ANKRD11: variants seen among roughly 807,000 people sequenced by gnomAD.
The protein encoded by ANKRD11 is ankyrin repeat domain-containing protein 11.
Under a neutral mutation model 195.7 loss-of-function variants are expected in ANKRD11, and 17 were observed. The observed-to-expected ratio is 0.09, with a 90% CI of 0.06 to 0.13. The LOEUF (loss-of-function observed/expected upper bound fraction) is 0.13. Among genes scored for constraint, ANKRD11 ranks in the 10% least tolerant of loss-of-function variants. The pLI is 1.00. For missense variants in ANKRD11, 3,735 were observed against 3,566.1 expected (o/e 1.05, Z -1.21); for synonymous variants, 1,953 against 1,528.1 (o/e 1.28, Z -6.49).
intron 1 of ANKRD11, among the ~76,000 whole-genome samples, chr16:89,487,731 G>A (rs909615349): frequency 4.6e-5 from 7 of 152,052 alleles, no homozygotes; most frequent in African/African-American, 7.2e-5. Context: ...CCAAGATTGC[G>A]CCACTGCACT....
At chr16:89,405,629 C>T (rs1222478147) in intron 2 of ANKRD11, among the ~76,000 whole-genome samples, 3 of 152,002 alleles carry the variant, frequency 2.0e-5, no homozygotes, top group South Asian at 2.1e-4. Flanking sequence ...CCGCCATGCC[C>T]GGCTTTCTAG....
chr16:89,313,770 A>G (rs1419898954), intron 3 of ANKRD11, among the ~76,000 whole-genome samples: 1 of 152,184 alleles, frequency 6.6e-6, no homozygotes, highest in Non-Finnish European at 1.5e-5. Context: ...TTCTAACAGC[A>G]GCTGCAACCA....
chr16:89,277,193 G>T (rs575987920), intron 9 of ANKRD11, among the ~76,000 whole-genome samples: 2 of 152,230 alleles, frequency 1.3e-5, no homozygotes, highest in Non-Finnish European at 2.9e-5. Context: ...GGGCCCGTCG[G>T]TGGCAGGGAT....
At chr16:89,318,472 C>A (rs551736343) in intron 2 of ANKRD11, among the ~76,000 whole-genome samples, 9 of 152,364 alleles carry the variant, frequency 5.9e-5, no homozygotes, top group African/African-American at 1.7e-4. Flanking sequence ...CGCGACCATG[C>A]CGGGAGAAGC....
At chr16:89,359,515 T>C (rs1304091738) in intron 2 of ANKRD11, among the ~76,000 whole-genome samples, 2 of 152,222 alleles carry the variant, frequency 1.3e-5, no homozygotes, top group Admixed American at 6.5e-5. Context: ...GTGACCTCAC[T>C]GTGCCTACCT....
intron 1 of ANKRD11, among the ~76,000 whole-genome samples, chr16:89,419,752 C>T (rs906620850): frequency 3.0e-4 from 45 of 152,192 alleles, no homozygotes; most frequent in African/African-American, 9.7e-4. Context: ...ACACTCCTGG[C>T]ACATGCGTTT....
chr16:89,294,820 C>T (rs1276614307), intron 4 of ANKRD11, among the ~76,000 whole-genome samples: 1 of 152,202 alleles, frequency 6.6e-6, no homozygotes. Context: ...GAGCCGTGTG[C>T]CCCTGAGAAA....
intron 2 of ANKRD11, among the ~76,000 whole-genome samples, chr16:89,416,500 T>C (rs543124064): frequency 2.6e-5 from 4 of 152,308 alleles, no homozygotes; most frequent in Admixed American, 1.3e-4. Flanking sequence ...GGTTTCACCA[T>C]GTTGGCAGGC....
chr16:89,381,354 A>AAAAAAAAAAAAAAAAAAAAAG (rs1555560066), intron 2 of ANKRD11, among the ~76,000 whole-genome samples: 1 of 125,332 alleles, frequency 8.0e-6, no homozygotes, highest in African/African-American at 3.3e-5. Flanking sequence ...AAAAAAAAAA[A>AAAAAAAAAAAAAAAAAAAAAG]GGGGTGAGAA....
chr16:89,273,322 C>T (rs551585170), intron 11 of ANKRD11, among the ~76,000 whole-genome samples: 11 of 152,324 alleles, frequency 7.2e-5, no homozygotes, highest in African/African-American at 2.6e-4. Flanking sequence ...CTGTCCATCA[C>T]AGCCTCTCAC....
At chr16:89,415,341 T>G (rs1262847700) in intron 2 of ANKRD11, among the ~76,000 whole-genome samples, 13 of 145,494 alleles carry the variant, frequency 8.9e-5, no homozygotes. Flanking sequence ...CTCGGTTTAC[T>G]GCAAGCTCCG....
chr16:89,268,806 T>C, intron 12 of ANKRD11, 143 bp from the exon 13 acceptor site: 1 of 927,016 alleles, frequency 1.1e-6, no homozygotes, highest in East Asian at 2.7e-5. Context: ...CTGTACCCGC[T>C]CCTGGCATCT....
Position 89,291,310 on chromosome 16 carries a change from G to T in ANKRD11, c.227-127C>A, listed in dbSNP as rs2151798974. 1.6e-6 allele frequency: 2 copies of T among 1,212,352 alleles called. No homozygotes were observed. Among genetic ancestry groups the T allele is most frequent in the Non-Finnish European group, 2.3e-6 (2 of 852,944 alleles). The allele number at this position is 1,212,352 out of a possible 1,614,324, so 75.1% of individuals were successfully genotyped here. On this transcript the variant is annotated intron_variant, in intron 4 of 12. Coordinates refer to ENST00000301030, the MANE Select transcript of ANKRD11 (RefSeq NM_013275.6). The surrounding 1 kb of genome is among the most constrained non-coding windows in gnomAD (Gnocchi z 5.3). ...GACAGCTGACAGAGCAGAAAGGAAGGTCTGTGTATGGGGAAAGCACAGCGG... is the reference window on the plus strand; with the variant it reads ...GACAGCTGACAGAGCAGAAAGGAAGTTCTGTGTATGGGGAAAGCACAGCGG...
rs573602709 is a variant in ANKRD11 at position 89,300,445 on chromosome 16, ACCTGCCCCGCCTGCGAGCACAG to A, written c.226+4739_226+4760del. 1.6e-4 allele frequency: 30 copies of A among 192,762 alleles called. No individual in the cohort carries two copies. The South Asian group carries it at 2.6e-3, about 17-fold the overall frequency. The allele number at this position is 192,762 out of a possible 1,614,324, so 11.9% of individuals were successfully genotyped here. On this transcript the variant is annotated intron_variant, in intron 4 of 12. Coordinates refer to ENST00000301030, the MANE Select transcript of ANKRD11 (RefSeq NM_013275.6). ...CCCAGGGGCGCCATGCTCTCCAGGC[ACCTGCCCCGCCTGCGAGCACAG>A]CCTGGCCCCTGCTGCACTCTGCTCT...
chr16:89,285,137 A>G lies in ANKRD11; in HGVS notation c.1405T>C (p.Phe469Leu), dbSNP rs1482262295. 1.2e-6 allele frequency: 2 copies of G among 1,613,468 alleles called. No individual in the cohort carries two copies. The highest frequency in any genetic ancestry group is 1.7e-5 in the Admixed American group (1 of 59,988). Residue 469 changes from phenylalanine to leucine, a missense_variant, in exon 9 of 13, where the codon TTC becomes CTC. By Grantham distance (22) the Phe-to-Leu change is conservative (BLOSUM62 0). Coordinates refer to ENST00000301030, the MANE Select transcript of ANKRD11 (RefSeq NM_013275.6). This position sits in a 1 kb window ranked among gnomAD's most constrained non-coding sequence, Gnocchi z 5.6. ...KKETKGREVR[F>L]GKRSDKFCSS... The stretch of plus-strand genomic sequence containing the variant: ...CAGAACTTGTCGCTCCGCTTTCCGA[A>G]GCGAACCTCTCTGCCTTTTGTTTCT...
chr16:89,413,618 C>G (rs763038109), intron 2 of ANKRD11, among the ~76,000 whole-genome samples: 4 of 152,012 alleles, frequency 2.6e-5, no homozygotes, highest in Non-Finnish European at 2.9e-5. Context: ...GCCAGACTGT[C>G]TCAAAAAAAG....
intron 1 of ANKRD11, among the ~76,000 whole-genome samples, chr16:89,466,290 A>G (rs1356812491): frequency 1.3e-5 from 2 of 152,130 alleles, no homozygotes; most frequent in Non-Finnish European, 2.9e-5. Context: ...GGAAACATTC[A>G]CAATAGGCAA....
intron 1 of ANKRD11, among the ~76,000 whole-genome samples, chr16:89,481,549 C>G (rs2965962): frequency 0.043 from 6,493 of 152,194 alleles, 495 homozygotes; most frequent in African/African-American, 0.15. Flanking sequence ...AGAGCAAGAC[C>G]TTGTCTCAAA....
At position 89,363,828 on chromosome 16, in the gene ANKRD11, G is replaced by A. The variant is rs539803837; in HGVS notation, c.-59-46750C>T. On this transcript the variant is annotated intron_variant, in intron 2 of 12. Coordinates refer to ENST00000301030, the MANE Select transcript of ANKRD11 (RefSeq NM_013275.6). ...ACAGCACTTCAGGAGGCTGCGGCAAGGAGGACTGACTGAGGCAAAAAGTTC... is the reference window on the plus strand; with the variant it reads ...ACAGCACTTCAGGAGGCTGCGGCAAAGAGGACTGACTGAGGCAAAAAGTTC... 1.1e-4 allele frequency among the ~76,000 whole-genome samples: 16 copies of A among 152,274 alleles called. 1 individual carries two copies. The South Asian group carries it at 3.1e-3, about 30-fold the overall frequency.
Sources: gnomAD v4.1 joint callset for allele counts (sites outside exome capture counted in the v4.1 genomes callset) on GRCh38, gnomAD v4.1.1 for gene constraint, Gnocchi (gnomAD v3.1) non-coding constraint, MANE v1.5 for transcripts, NCBI Gene and HGNC (gene_info 2026-07-23, HGNC 2026-07-21) for gene names.